The following SUCLG2 variants were observed in gnomAD, a reference collection of about 807,000 sequenced individuals.
SUCLG2 encodes the protein succinate-CoA ligase GDP-forming subunit beta.
A neutral mutation model predicts 47.9 loss-of-function variants in SUCLG2; 42 were observed. The observed-to-expected ratio is 0.88, with a 90% CI of 0.69 to 1.14. The LOEUF (loss-of-function observed/expected upper bound fraction) is 1.14. SUCLG2 is among the 50% of genes most tolerant of loss of function. The pLI, the probability that SUCLG2 is intolerant of heterozygous loss-of-function variation, is 0.00. For synonymous variants in SUCLG2, 195 were observed against 197.3 expected (o/e 0.99, Z 0.10); for missense variants, 571 against 525.9 (o/e 1.09, Z -0.84).
intron 10 of SUCLG2, among the ~76,000 whole-genome samples, chr3:67,386,757 A>G (rs910507921): frequency 1.3e-5 from 2 of 152,236 alleles, no homozygotes; most frequent in Non-Finnish European, 2.9e-5. Context: ...TTACAATTCA[A>G]GATGAGATTT....
At chr3:67,422,473 CAAAAAAAAAAAA>C (rs58345420) in intron 9 of SUCLG2, among the ~76,000 whole-genome samples, 10 of 30,666 alleles carry the variant, frequency 3.3e-4, no homozygotes, top group Admixed American at 7.4e-4. Flanking sequence ...GACTCCATCT[CAAAAAAAAAAAA>C]AAAAAAAAAA....
intron 2 of SUCLG2, among the ~76,000 whole-genome samples, chr3:67,564,281 GT>G (rs1299000556): frequency 9.9e-5 from 15 of 152,152 alleles, no homozygotes; most frequent in Admixed American, 9.8e-4. Flanking sequence ...TATACACTTT[GT>G]TGAGCTGATC....
intron 9 of SUCLG2, among the ~76,000 whole-genome samples, chr3:67,435,677 A>G (rs1474016465): frequency 6.6e-6 from 1 of 152,230 alleles, no homozygotes; most frequent in Non-Finnish European, 1.5e-5. Context: ...GAAAGTAAAG[A>G]AAATATTTTT....
chr3:67,588,367 A>T (rs1019827103), intron 2 of SUCLG2, among the ~76,000 whole-genome samples: 4 of 151,984 alleles, frequency 2.6e-5, no homozygotes, highest in African/African-American at 4.8e-5. Context: ...TAATCAGTAA[A>T]CTCCTATCCA....
At chr3:67,449,865 G>A (rs1704012555) in intron 9 of SUCLG2, among the ~76,000 whole-genome samples, 1 of 152,028 alleles carries the variant, frequency 6.6e-6, no homozygotes, top group African/African-American at 2.4e-5. Context: ...CCACCTGCAT[G>A]GCCTCCAAAA....
chr3:67,438,416 T>A (rs1329819957), intron 9 of SUCLG2, among the ~76,000 whole-genome samples: 1 of 150,528 alleles, frequency 6.6e-6, no homozygotes, highest in African/African-American at 2.4e-5. Flanking sequence ...CATGAAAAAC[T>A]CATCCTCCCA....
intron 2 of SUCLG2, among the ~76,000 whole-genome samples, chr3:67,589,141 T>C (rs932796328): frequency 6.6e-6 from 1 of 152,206 alleles, no homozygotes; most frequent in African/African-American, 2.4e-5. Context: ...TTCCCTTAGA[T>C]CTTCTTGCAG....
chr3:67,400,016 A>G (rs894515663), intron 10 of SUCLG2, among the ~76,000 whole-genome samples: 3 of 151,424 alleles, frequency 2.0e-5, no homozygotes, highest in Admixed American at 2.0e-4. Flanking sequence ...CTGTCTCAAA[A>G]CAAACAAACT....
intron 10 of SUCLG2, among the ~76,000 whole-genome samples, chr3:67,379,177 C>A (rs1702097837): frequency 6.6e-6 from 1 of 152,162 alleles, no homozygotes; most frequent in Non-Finnish European, 1.5e-5. Flanking sequence ...AACCTCCTGA[C>A]CTCAAGTGAT....
chr3:67,470,048 A>G (rs1440530137), intron 9 of SUCLG2, among the ~76,000 whole-genome samples: 1 of 140,654 alleles, frequency 7.1e-6, no homozygotes, highest in Non-Finnish European at 1.6e-5. Context: ...TCCATATCAA[A>G]AAAAAAAAAA....
At chr3:67,611,889 T>TAA (rs1235546951) in intron 1 of SUCLG2, among the ~76,000 whole-genome samples, 2 of 152,202 alleles carry the variant, frequency 1.3e-5, no homozygotes, top group Admixed American at 1.3e-4. Context: ...CTGTTGCTCT[T>TAA]AAATTGAAAA....
At chr3:67,450,019 C>T (rs977305563) in intron 9 of SUCLG2, among the ~76,000 whole-genome samples, 3 of 107,144 alleles carry the variant, frequency 2.8e-5, no homozygotes, top group African/African-American at 3.4e-5. Context: ...TAATAAAATA[C>T]AAAAAAACAG....
intron 10 of SUCLG2, among the ~76,000 whole-genome samples, chr3:67,377,376 T>A (rs1344546596): frequency 6.6e-6 from 1 of 152,350 alleles, no homozygotes; most frequent in East Asian, 1.9e-4. Context: ...TGGTGCAGTA[T>A]CTGTGGCAGG....
intron 9 of SUCLG2, among the ~76,000 whole-genome samples, chr3:67,409,692 T>A (rs1559515725): frequency 6.6e-6 from 1 of 152,206 alleles, no homozygotes; most frequent in East Asian, 1.9e-4. Flanking sequence ...AAAGAAAATA[T>A]CAGGCAGTAA....
At chr3:67,478,017 T>C (rs917537059) in intron 9 of SUCLG2, among the ~76,000 whole-genome samples, 1 of 152,220 alleles carries the variant, frequency 6.6e-6, no homozygotes, top group Non-Finnish European at 1.5e-5. Flanking sequence ...TCATGTCTAC[T>C]TTATAGATGA....
At chr3:67,593,741 C>G (rs1334146994) in intron 2 of SUCLG2, among the ~76,000 whole-genome samples, 1 of 152,196 alleles carries the variant, frequency 6.6e-6, no homozygotes, top group Non-Finnish European at 1.5e-5. Flanking sequence ...GTTCAGGGAA[C>G]TCCTCATTTT....
intron 2 of SUCLG2, among the ~76,000 whole-genome samples, chr3:67,553,518 C>T (rs911072302): frequency 6.6e-6 from 1 of 152,168 alleles, no homozygotes. Flanking sequence ...GTTAGATACA[C>T]TAAACTCCCT....
intron 1 of SUCLG2, among the ~76,000 whole-genome samples, chr3:67,638,580 G>A (rs1701046609): frequency 6.6e-6 from 1 of 152,148 alleles, no homozygotes; most frequent in Non-Finnish European, 1.5e-5. Flanking sequence ...GCCAGCAAGT[G>A]GACAATCGAA....
intron 1 of SUCLG2, among the ~76,000 whole-genome samples, chr3:67,626,775 G>A (rs1426221141): frequency 4.0e-5 from 6 of 151,880 alleles, no homozygotes; most frequent in Non-Finnish European, 8.8e-5. Flanking sequence ...TTAGCTGGGC[G>A]TGGTGGCGGG....
Sources: allele counts gnomAD v4.1 joint callset (sites outside exome capture counted in the v4.1 genomes callset), GRCh38; gene constraint gnomAD v4.1.1; transcripts MANE v1.5; gene names NCBI Gene and HGNC (gene_info 2026-07-23, HGNC 2026-07-21).